Variants in MARK3 observed in about 807,000 individuals in gnomAD.
MARK3 encodes microtubule affinity regulating kinase 3.
In MARK3, 46 loss-of-function variants were observed where a neutral mutation model predicts 90.1. That is an observed-to-expected ratio of 0.51 (90% CI 0.40 to 0.65). The LOEUF (loss-of-function observed/expected upper bound fraction) is 0.65. Among genes scored for constraint, MARK3 ranks in the 30% least tolerant of loss-of-function variants. The pLI is 0.00. For missense variants in MARK3, 818 were observed against 947.2 expected (o/e 0.86, Z 1.79); for synonymous variants, 321 against 332.6 (o/e 0.97, Z 0.38).
intron 6 of MARK3, among the ~76,000 whole-genome samples, chr14:103,460,073 C>CTT (rs571611660): frequency 0.035 from 1,459 of 41,608 alleles, 419 homozygotes; most frequent in Admixed American, 0.08. Flanking sequence ...CCAGCTCCAT[C>CTT]TTTTTTTTTT....
At chr14:103,422,150 A>T (rs2092245165) in intron 2 of MARK3, among the ~76,000 whole-genome samples, 1 of 152,072 alleles carries the variant, frequency 6.6e-6, no homozygotes, top group Non-Finnish European at 1.5e-5. Flanking sequence ...AAACACAAAA[A>T]CTCTTTACTG....
intron 15 of MARK3, among the ~76,000 whole-genome samples, chr14:103,496,971 G>C (rs999805733): frequency 6.6e-6 from 1 of 152,140 alleles, no homozygotes; most frequent in Admixed American, 6.5e-5. Flanking sequence ...AAACCCAGGA[G>C]TTTGAGGTTA....
At chr14:103,396,901 G>A (rs1194758716) in intron 1 of MARK3, among the ~76,000 whole-genome samples, 10 of 152,090 alleles carry the variant, frequency 6.6e-5, no homozygotes, top group Admixed American at 5.9e-4. Flanking sequence ...TTGAAACGTG[G>A]TTAGTTTGAA....
chr14:103,493,394 G>A lies in MARK3; in HGVS notation c.1844+1360G>A, dbSNP rs183139033. Among the ~76,000 whole-genome samples the A allele has an allele frequency of 5.3e-5, 8 of 151,732 alleles. No individual in the cohort carries two copies. In the East Asian group the frequency reaches 1.4e-3, roughly 26 times the overall value. ...CATTAGCATTAACTAGAAGTCAGAC[G>A]CATCAGAAGGTTTCTATTTACCCTC... On this transcript the variant is annotated intron_variant, in intron 15 of 17. Transcript: ENST00000429436.
intron 14 of MARK3, chr14:103,489,963 CTG>C (rs1476596450): frequency 2.0e-5 from 3 of 152,238 alleles, no homozygotes; most frequent in East Asian, 1.9e-4. Context: ...GCTCTGCTGA[CTG>C]TTTTTTATCT....
intron 12 of MARK3, 35 bp from the exon 13 acceptor site, chr14:103,474,958 A>G (rs1280262282): frequency 1.3e-6 from 2 of 1,519,930 alleles, no homozygotes; most frequent in East Asian, 2.3e-5. Flanking sequence ...TTGAAACTAT[A>G]TTCAGTCATT....
chr14:103,419,014 C>T (rs562172583), intron 2 of MARK3, among the ~76,000 whole-genome samples: 30 of 152,242 alleles, frequency 2.0e-4, no homozygotes, highest in African/African-American at 5.8e-4. Flanking sequence ...TGAGGCTGGG[C>T]GCGGTGGCTC....
At chr14:103,442,186 G>A (rs1268560950) in intron 3 of MARK3, among the ~76,000 whole-genome samples, 3 of 152,074 alleles carry the variant, frequency 2.0e-5, no homozygotes, top group Admixed American at 1.3e-4. Flanking sequence ...GGTGAACATG[G>A]TGAAGCCCCG....
intron 3 of MARK3, among the ~76,000 whole-genome samples, chr14:103,439,722 G>C (rs530007547): frequency 6.6e-6 from 1 of 151,924 alleles, no homozygotes; most frequent in South Asian, 2.1e-4. Context: ...GTAGTGTAAA[G>C]TTTAAAAAAT....
At chr14:103,389,224 C>T (rs2090037491) in intron 1 of MARK3, among the ~76,000 whole-genome samples, 1 of 151,464 alleles carries the variant, frequency 6.6e-6, no homozygotes, top group South Asian at 2.1e-4. Flanking sequence ...ATTAGCCGGG[C>T]GTGGTGGCAG....
At chr14:103,468,941 G>A (rs759708949) in intron 12 of MARK3, among the ~76,000 whole-genome samples, 3 of 151,818 alleles carry the variant, frequency 2.0e-5, no homozygotes, top group South Asian at 2.1e-4. Context: ...AGAACTGGGC[G>A]CTGTACCGAA....
chr14:103,466,607 C>G (rs2093507778), intron 10 of MARK3, among the ~76,000 whole-genome samples, 165 bp downstream of exon 10: 1 of 152,232 alleles, frequency 6.6e-6, no homozygotes, highest in South Asian at 2.1e-4. Context: ...CTGCAGTTTC[C>G]TATAATGGCA....
intron 12 of MARK3, among the ~76,000 whole-genome samples, chr14:103,474,066 T>C (rs1182803679): frequency 1.4e-5 from 2 of 142,734 alleles, no homozygotes; most frequent in African/African-American, 2.6e-5. Flanking sequence ...AAAAAAAAAT[T>C]AGTTGGCATG....
chr14:103,399,727 A>G (rs11323013), intron 1 of MARK3, among the ~76,000 whole-genome samples: 45,562 of 140,734 alleles, frequency 0.32, 7,609 homozygotes, highest in East Asian at 0.51. Flanking sequence ...AAAAAAAAAA[A>G]GAAAGGAATT....
intron 3 of MARK3, among the ~76,000 whole-genome samples, chr14:103,430,423 A>G (rs546076709): frequency 1.4e-5 from 2 of 141,820 alleles, no homozygotes; most frequent in Non-Finnish European, 3.0e-5. Context: ...GTACCAGGCA[A>G]CTTTGTCAGC....
chr14:103,386,384 C>T (rs1289258731), intron 1 of MARK3: 3 of 673,130 alleles, frequency 4.5e-6, no homozygotes, highest in Middle Eastern at 2.4e-4. Context: ...ATGGATTGTG[C>T]AAACGTGTGT....
chr14:103,420,774 C>T (rs2092180484), intron 2 of MARK3, among the ~76,000 whole-genome samples: 1 of 152,100 alleles, frequency 6.6e-6, no homozygotes, highest in South Asian at 2.1e-4. Flanking sequence ...TAATCCTTTT[C>T]GGACATATGC....
intron 1 of MARK3, among the ~76,000 whole-genome samples, chr14:103,400,898 CAAAAA>C (rs34861063): frequency 2.9e-5 from 2 of 70,062 alleles, no homozygotes; most frequent in African/African-American, 5.5e-5. Flanking sequence ...GACCCTGTCT[CAAAAA>C]AAAAAAAAAA....
At chr14:103,458,927 C>A in intron 6 of MARK3, 1 of 438,246 alleles carries the variant, frequency 2.3e-6, no homozygotes, top group East Asian at 3.4e-5. Context: ...CATTTAACTT[C>A]TCTGATCCTG....
Sources: gnomAD v4.1 joint callset for allele counts (sites outside exome capture counted in the v4.1 genomes callset) on GRCh38, gnomAD v4.1.1 for gene constraint, MANE v1.5 for transcripts, NCBI Gene and HGNC (gene_info 2026-07-23, HGNC 2026-07-21) for gene names.